The following RSRC1 variants were observed in gnomAD, a reference collection of about 807,000 sequenced individuals.
The protein encoded by RSRC1 is serine/Arginine-related protein 53.
A neutral mutation model predicts 49.1 loss-of-function variants in RSRC1; 39 were observed. That is an observed-to-expected ratio of 0.79 (90% confidence interval 0.61 to 1.04). The LOEUF is 1.04. RSRC1 is among the 50% of genes least tolerant of loss of function. RSRC1 has a pLI of 0.00. For synonymous variants in RSRC1, 143 were observed against 130.8 expected (o/e 1.09, Z -0.63); for missense variants, 388 against 402.4 (o/e 0.96, Z 0.31).
chr3:158,198,648 T>G (rs1418632561), intron 3 of RSRC1, among the ~76,000 whole-genome samples: 1 of 152,130 alleles, frequency 6.6e-6, no homozygotes, highest in Non-Finnish European at 1.5e-5. Context: ...TTTCCATGTT[T>G]AGTGCTTCCT....
intron 3 of RSRC1, among the ~76,000 whole-genome samples, chr3:158,146,990 A>G (rs1368200813): frequency 6.6e-6 from 1 of 151,782 alleles, no homozygotes; most frequent in Non-Finnish European, 1.5e-5. Context: ...TAGATTGAAC[A>G]GTTACCAAGA....
intron 1 of RSRC1, among the ~76,000 whole-genome samples, chr3:158,114,407 G>A (rs1036537026): frequency 1.3e-5 from 2 of 152,202 alleles, no homozygotes; most frequent in Non-Finnish European, 2.9e-5. Context: ...TAGCCTGGTA[G>A]TATAGTTTGA....
At chr3:158,343,535 G>A (rs1163144857) in intron 5 of RSRC1, among the ~76,000 whole-genome samples, 1 of 152,128 alleles carries the variant, frequency 6.6e-6, no homozygotes. Flanking sequence ...TAGTAGACAA[G>A]GACATTATTA....
chr3:158,230,398 T>C (rs988441037), intron 4 of RSRC1, among the ~76,000 whole-genome samples: 1 of 152,110 alleles, frequency 6.6e-6, no homozygotes, highest in Admixed American at 6.6e-5. Context: ...ATTTTTATAG[T>C]GGTAATATTT....
intron 7 of RSRC1, among the ~76,000 whole-genome samples, chr3:158,468,293 C>G (rs967086087): frequency 2.0e-5 from 3 of 152,144 alleles, no homozygotes; most frequent in African/African-American, 7.2e-5. Context: ...CTAAATAACT[C>G]AAGTATTAAA....
chr3:158,232,921 G>T (rs1304222158), intron 4 of RSRC1, among the ~76,000 whole-genome samples: 2 of 152,060 alleles, frequency 1.3e-5, no homozygotes, highest in East Asian at 3.9e-4. Context: ...GTTGTCCTTG[G>T]AGTGGTGTTG....
intron 4 of RSRC1, among the ~76,000 whole-genome samples, chr3:158,278,592 CATTTGCCT>C: frequency 1.3e-5 from 2 of 152,328 alleles, no homozygotes; most frequent in Middle Eastern, 6.8e-3. Flanking sequence ...CGCTTGGACT[CATTTGCCT>C]TATCTCTTCA....
chr3:158,457,595 C>G (rs897682443), intron 6 of RSRC1, among the ~76,000 whole-genome samples: 3 of 152,062 alleles, frequency 2.0e-5, no homozygotes, highest in Non-Finnish European at 4.4e-5. Flanking sequence ...AAGAATAGAA[C>G]GCCAAGAAGG....
chr3:158,518,267 C>T (rs888028278), intron 7 of RSRC1, among the ~76,000 whole-genome samples: 4 of 147,952 alleles, frequency 2.7e-5, no homozygotes, highest in African/African-American at 5.0e-5. Context: ...TTGTGCTAGC[C>T]TAGTAAAATG....
At chr3:158,421,712 A>G (rs1735069877) in intron 6 of RSRC1, among the ~76,000 whole-genome samples, 1 of 151,862 alleles carries the variant, frequency 6.6e-6, no homozygotes, top group Non-Finnish European at 1.5e-5. Context: ...AAGGCATAAA[A>G]GAAGAAATAG....
intron 3 of RSRC1, among the ~76,000 whole-genome samples, chr3:158,196,884 A>G (rs1449912992): frequency 2.0e-5 from 3 of 152,054 alleles, no homozygotes; most frequent in Non-Finnish European, 2.9e-5. Context: ...TTTTTGATGC[A>G]CTGCTGGATT....
intron 6 of RSRC1, among the ~76,000 whole-genome samples, chr3:158,434,016 A>G (rs1578472794): frequency 6.6e-6 from 1 of 152,062 alleles, no homozygotes; most frequent in East Asian, 1.9e-4. Flanking sequence ...TTGAAACTCC[A>G]AAGACGTTAA....
intron 3 of RSRC1, among the ~76,000 whole-genome samples, chr3:158,195,737 C>T (rs2108269307): frequency 6.6e-6 from 1 of 152,200 alleles, no homozygotes; most frequent in East Asian, 1.9e-4. Flanking sequence ...TTTTCCAGCA[C>T]CATTTATTAA....
At chr3:158,499,743 A>C (rs1025513735) in intron 7 of RSRC1, among the ~76,000 whole-genome samples, 2 of 152,128 alleles carry the variant, frequency 1.3e-5, no homozygotes, top group African/African-American at 4.8e-5. Context: ...GAATTATTTT[A>C]TCGGTTCTAG....
At chr3:158,435,711 A>G (rs1043478004) in intron 6 of RSRC1, among the ~76,000 whole-genome samples, 4 of 151,698 alleles carry the variant, frequency 2.6e-5, no homozygotes, top group African/African-American at 9.7e-5. Context: ...GTAAGGGAAG[A>G]CTTTACGCTT....
intron 6 of RSRC1, among the ~76,000 whole-genome samples, chr3:158,437,237 T>C (rs1295175493): frequency 6.6e-6 from 1 of 152,094 alleles, no homozygotes; most frequent in Non-Finnish European, 1.5e-5. Flanking sequence ...TATTTGCTAT[T>C]TTGATGGAAT....
intron 6 of RSRC1, among the ~76,000 whole-genome samples, chr3:158,450,966 T>G (rs1219231405): frequency 6.6e-6 from 1 of 151,926 alleles, no homozygotes; most frequent in African/African-American, 2.4e-5. Context: ...ATACTCTTTT[T>G]AAATATATAA....
At chr3:158,352,165 A>G (rs1168309979) in intron 5 of RSRC1, among the ~76,000 whole-genome samples, 1 of 151,902 alleles carries the variant, frequency 6.6e-6, no homozygotes, top group African/African-American at 2.4e-5. Flanking sequence ...CTAGCTACTC[A>G]GGGAGCTGAG....
intron 4 of RSRC1, among the ~76,000 whole-genome samples, chr3:158,295,977 C>G (rs1029972539): frequency 1.3e-5 from 2 of 152,004 alleles, no homozygotes; most frequent in East Asian, 3.9e-4. Flanking sequence ...GAATTACTAA[C>G]GTGTATGATG....
Sources: gnomAD v4.1 joint callset for allele counts (sites outside exome capture counted in the v4.1 genomes callset) on GRCh38, gnomAD v4.1.1 for gene constraint, MANE v1.5 for transcripts, NCBI Gene and HGNC (gene_info 2026-07-23, HGNC 2026-07-21) for gene names.